SEMA4D: variants seen among roughly 807,000 people sequenced by gnomAD.
SEMA4D encodes semaphorin-4D.
SEMA4D carries 22 observed loss-of-function variants against 74.8 expected under a neutral mutation model. That is an observed-to-expected ratio of 0.29 (90% confidence interval 0.21 to 0.42). The LOEUF is 0.42. SEMA4D is among the 10% of genes least tolerant of loss of function. The pLI, the probability that SEMA4D is intolerant of heterozygous loss-of-function variation, is 1.00. For missense variants in SEMA4D, 937 were observed against 1,118.4 expected, an observed-to-expected ratio of 0.84 and a Z score of 2.31; for synonymous variants, 445 against 463.7, an observed-to-expected ratio of 0.96 and a Z score of 0.52.
chr9:89,410,162 G>T (rs1304360755), intron 2 of SEMA4D, among the ~76,000 whole-genome samples: 1 of 152,182 alleles, frequency 6.6e-6, no homozygotes, highest in Non-Finnish European at 1.5e-5. Flanking sequence ...CGAGCTCCCA[G>T]AATGATGCCG....
At chr9:89,380,931 A>T in intron 15 of SEMA4D, 124 bp downstream of exon 15, 1 of 1,156,514 alleles carries the variant, frequency 8.6e-7, no homozygotes, top group Non-Finnish European at 1.3e-6. Context: ...AGAACACTTG[A>T]CCTCTGTTCC....
At chr9:89,457,557 T>C (rs1024895607) in intron 1 of SEMA4D, among the ~76,000 whole-genome samples, 8 of 150,964 alleles carry the variant, frequency 5.3e-5, no homozygotes, top group African/African-American at 1.7e-4. Flanking sequence ...GACAACACAG[T>C]GAGACCCCAT....
At chr9:89,435,991 C>T (rs1466211176) in intron 2 of SEMA4D, among the ~76,000 whole-genome samples, 1 of 152,178 alleles carries the variant, frequency 6.6e-6, no homozygotes, top group Non-Finnish European at 1.5e-5. Context: ...CCCCCGCTGC[C>T]CCCCACCCCC....
At chr9:89,431,321 C>T (rs35319330) in intron 2 of SEMA4D, among the ~76,000 whole-genome samples, 23,512 of 152,222 alleles carry the variant, frequency 0.15, 2,389 homozygotes, top group Non-Finnish European at 0.22. Flanking sequence ...ACACCACCTG[C>T]AAATGCAGGT....
chr9:89,434,618 A>G (rs1850001583), intron 2 of SEMA4D, among the ~76,000 whole-genome samples: 1 of 152,188 alleles, frequency 6.6e-6, no homozygotes. Flanking sequence ...CTGTGATTAC[A>G]TTTAGGGATC....
At chr9:89,394,448 C>A (rs1171614999) in intron 6 of SEMA4D, among the ~76,000 whole-genome samples, 1 of 152,074 alleles carries the variant, frequency 6.6e-6, no homozygotes, top group African/African-American at 2.4e-5. Flanking sequence ...GAAAAACAGG[C>A]AAAATCCAGC....
chr9:89,384,257 C>T lies in SEMA4D; in HGVS notation c.1446+2110G>A, dbSNP rs574276561. 4.6e-5 allele frequency among the ~76,000 whole-genome samples: 7 copies of T among 152,254 alleles called. No homozygotes were observed. In the South Asian group the frequency reaches 1.2e-3, roughly 27 times the overall value. The stretch of plus-strand genomic sequence containing the variant: ...GCAACCGTGTCCATCAAGGGATGAA[C>T]GCACACACAAAATGCGGGACTCACA... On this transcript the variant is annotated intron_variant, in intron 13 of 15. Transcript: ENST00000422704.
At chr9:89,366,307 T>C (rs964093824) in intron 16 of SEMA4D, among the ~76,000 whole-genome samples, 6 of 152,214 alleles carry the variant, frequency 3.9e-5, no homozygotes, top group Non-Finnish European at 5.9e-5. Flanking sequence ...AAATTTTTTC[T>C]TTATACTTCC....
At chr9:89,447,134 C>A (rs1853107185) in intron 2 of SEMA4D, among the ~76,000 whole-genome samples, 2 of 152,068 alleles carry the variant, frequency 1.3e-5, no homozygotes, top group Admixed American at 1.3e-4. Context: ...ATGGAGGCAC[C>A]CAAAAGTTTG....
downstream of SEMA4D, among the ~76,000 whole-genome samples, chr9:89,375,073 C>A (rs4877078): frequency 0.4 from 61,162 of 151,838 alleles, 12,689 homozygotes; most frequent in African/African-American, 0.52. Context: ...AAATAAATAA[C>A]CAACCAACAT....
rs1564832883 is a variant in SEMA4D at position 89,450,659 on chromosome 9, G to GAAAAAAAA, written c.-244+5228_-244+5229insTTTTTTTT. The GAAAAAAAA allele has an allele frequency of 2.9e-3, 1,232 of 420,652 alleles. 307 individuals are homozygous for GAAAAAAAA. The highest frequency in any genetic ancestry group is 5.5e-3 in the East Asian group (110 of 19,946). 26.1% of individuals were successfully genotyped at this position (420,652 alleles called of 1,614,324 possible). A position where few individuals can be genotyped will look rare whatever the true frequency, so the allele number is the denominator to read the frequency against. ...AGAGTTCTGCAAGTCGAAAAACCCA[G>GAAAAAAAA]GAAAAAAAAAAAAAAAAAAAAAAAA... On this transcript the variant is annotated intron_variant, in intron 2 of 15. Coordinates refer to ENST00000422704, the MANE Select transcript of SEMA4D (RefSeq NM_001371194.2).
chr9:89,366,168 C>A (rs1318608930), intron 16 of SEMA4D, among the ~76,000 whole-genome samples: 1 of 152,178 alleles, frequency 6.6e-6, no homozygotes, highest in East Asian at 1.9e-4. Flanking sequence ...ATAAGTGAAA[C>A]AATATCTAGG....
At chr9:89,459,500 C>T (rs1032012488) in intron 1 of SEMA4D, among the ~76,000 whole-genome samples, 3 of 152,206 alleles carry the variant, frequency 2.0e-5, no homozygotes, top group African/African-American at 2.4e-5. Context: ...AAGGCAAGAG[C>T]ATGTCAATGT....
intron 2 of SEMA4D, among the ~76,000 whole-genome samples, chr9:89,419,157 C>T (rs1268433485): frequency 1.3e-5 from 2 of 152,176 alleles, no homozygotes; most frequent in African/African-American, 4.8e-5. Context: ...CTGAGGTTAG[C>T]AAATGAACCG....
rs936835546 is a variant in SEMA4D at position 89,377,429 on chromosome 9, A to G, written c.*1275T>C. 1 of 167,524 alleles carries G rather than the reference A, an allele frequency of 6.0e-6. No individual in the cohort carries two copies. Among genetic ancestry groups the G allele is most frequent in the African/African-American group, 2.4e-5 (1 of 41,968 alleles). 10.4% of individuals were successfully genotyped at this position (167,524 alleles called of 1,614,324 possible). ...AGTTTATTGCTCTTCACCATGGAAA[A>G]AAAGTCTCTTCCCGATGGGTATTTA... On this transcript the variant is annotated 3_prime_UTR_variant, in exon 16 of 16. Transcript: ENST00000422704.
intron 6 of SEMA4D, among the ~76,000 whole-genome samples, chr9:89,394,155 T>C (rs1308461139): frequency 6.6e-6 from 1 of 152,214 alleles, no homozygotes. Context: ...ATCAACCATC[T>C]GAATACTAAA....
downstream of SEMA4D, chr9:89,376,274 G>A (rs896062654): frequency 6.6e-6 from 1 of 152,270 alleles, no homozygotes; most frequent in African/African-American, 2.4e-5. Context: ...GCTGAGGCAG[G>A]AGGATGGCTT....
At chr9:89,473,524 T>A (rs957444182) in intron 1 of SEMA4D, among the ~76,000 whole-genome samples, 5 of 151,890 alleles carry the variant, frequency 3.3e-5, no homozygotes, top group Non-Finnish European at 7.4e-5. Flanking sequence ...AAGTTCAAGG[T>A]TGCAGGGAAT....
At chr9:89,364,221 C>G (rs1195550650) in intron 16 of SEMA4D, 1 of 582,168 alleles carries the variant, frequency 1.7e-6, no homozygotes, top group Non-Finnish European at 2.9e-6. Flanking sequence ...CCCTAGGACC[C>G]CCTTTCTTGC....
Sources: gnomAD v4.1 joint callset for allele counts (sites outside exome capture counted in the v4.1 genomes callset) on GRCh38, gnomAD v4.1.1 for gene constraint, MANE v1.5 for transcripts, NCBI Gene and HGNC (gene_info 2026-07-23, HGNC 2026-07-21) for gene names.